PANK2: variants seen among roughly 807,000 people sequenced by gnomAD.
PANK2 encodes the protein pantothenate kinase 2, also known as pantothenate kinase 2, mitochondrial.
In PANK2, 36 loss-of-function variants were observed where a neutral mutation model predicts 43.1. The ratio of observed to expected loss-of-function variants is 0.84; its 90% CI spans 0.64 to 1.10. The LOEUF (loss-of-function observed/expected upper bound fraction) is 1.10, where lower values mean the gene tolerates loss of function less well. Ranked by LOEUF, PANK2 falls within the 50% of genes least tolerant of loss-of-function variation. The pLI is 0.00. For synonymous variants in PANK2, 281 were observed against 238.2 expected (o/e 1.18, Z -1.66); for missense variants, 576 against 593.3 (o/e 0.97, Z 0.30).
chr20:3,917,474 A>G (rs762885669), intron 5 of PANK2: 2 of 534,552 alleles, frequency 3.7e-6, no homozygotes, highest in Admixed American at 3.9e-5. Flanking sequence ...TGGCTCCCCC[A>G]CCTCAGCAGA....
chr20:3,893,505 ATGTGCAGCAGG>A (rs987975621), intron 1 of PANK2, among the ~76,000 whole-genome samples: 6 of 152,210 alleles, frequency 3.9e-5, no homozygotes, highest in African/African-American at 1.4e-4. Flanking sequence ...TGTTGAGCAT[ATGTGCAGCAGG>A]TGTGCAGAAG....
In PANK2 at chr20:3,908,071, T is replaced by C. The variant is rs201083495; in HGVS notation, c.444T>C (p.Tyr148=). The stretch of plus-strand genomic sequence containing the variant: ...AGTACCTGACCTCCAATGTGGCTTA[T>C]GGGTCTACAGGCATTCGGGACGTGC... Residue 148 remains tyrosine (Y), a synonymous_variant, in exon 2 of 7, where the codon TAT becomes TAC. Coordinates refer to ENST00000610179, the MANE Select transcript of PANK2 (RefSeq NM_001386393.1). 2 of 1,614,092 alleles carry C rather than the reference T, an allele frequency of 1.2e-6. No individual in the cohort carries two copies. The highest frequency in any genetic ancestry group is 1.7e-5 in the Admixed American group (1 of 59,986).
At chr20:3,920,518 A>T (rs964568873) in intron 6 of PANK2, among the ~76,000 whole-genome samples, 5 of 151,616 alleles carry the variant, frequency 3.3e-5, no homozygotes, top group Non-Finnish European at 7.4e-5. Context: ...CTCTGTCTCA[A>T]AAACAAAAAC....
rs1395649986 is a variant in PANK2 at position 3,889,646 on chromosome 20, G to A, written c.216G>A (p.Thr72=). Residue 72 remains threonine, a synonymous_variant, in exon 1 of 7, where the codon ACG becomes ACA. Coordinates refer to ENST00000610179, the MANE Select transcript of PANK2 (RefSeq NM_001386393.1). Reference sequence around the variant, plus strand: ...CGGTCGGGGCCTCGGCTGAGGGCACGAGGCGGGATCGACTGGGCTCTTACA... The same window carrying A: ...CGGTCGGGGCCTCGGCTGAGGGCACAAGGCGGGATCGACTGGGCTCTTACA... The A allele has an allele frequency of 6.3e-7, 1 of 1,582,588 alleles. No individual in the cohort carries two copies. The highest frequency in any genetic ancestry group is 2.3e-5 in the East Asian group (1 of 44,146).
chr20:3,924,542 G>C lies in PANK2; in HGVS notation c.*1248G>C, dbSNP rs1167400403. On this transcript the variant is annotated 3_prime_UTR_variant, in exon 7 of 7. Coordinates refer to ENST00000610179, the MANE Select transcript of PANK2 (RefSeq NM_001386393.1). The stretch of plus-strand genomic sequence containing the variant: ...ACTAGGCGTGGCCACCTCTGCACAT[G>C]GGCCTTGGCACTTAGGAAATATGGG... 1 of 152,632 alleles carries C rather than the reference G, an allele frequency of 6.6e-6. No homozygotes were observed. The highest frequency in any genetic ancestry group is 1.5e-5 in the Non-Finnish European group (1 of 68,376). 9.5% of individuals were successfully genotyped at this position (152,632 alleles called of 1,614,324 possible).
chr20:3,890,423 C>T (rs1239660394), intron 1 of PANK2, among the ~76,000 whole-genome samples: 2 of 152,182 alleles, frequency 1.3e-5, no homozygotes, highest in Non-Finnish European at 1.5e-5. Context: ...TGCATACGCT[C>T]CTCCCAGAGA....
intron 6 of PANK2, 141 bp from the exon 7 acceptor site, chr20:3,923,102 TG>T: frequency 1.1e-6 from 1 of 913,798 alleles, no homozygotes; most frequent in Non-Finnish European, 1.8e-6. Context: ...GCTCCCAGGC[TG>T]GCCTTGGCCC....
intron 1 of PANK2, among the ~76,000 whole-genome samples, chr20:3,893,833 G>A (rs968608397): frequency 1.3e-5 from 2 of 151,860 alleles, no homozygotes; most frequent in African/African-American, 2.4e-5. Flanking sequence ...GAATTAGGAC[G>A]GATTGACCCC....
At chr20:3,895,371 A>C (rs1198123285) in intron 1 of PANK2, among the ~76,000 whole-genome samples, 3 of 151,936 alleles carry the variant, frequency 2.0e-5, no homozygotes, top group African/African-American at 7.2e-5. Flanking sequence ...AGGCTGAGAC[A>C]GGAGGATTGC....
At chr20:3,896,775 G>A (rs1381208793) in intron 1 of PANK2, among the ~76,000 whole-genome samples, 1 of 152,142 alleles carries the variant, frequency 6.6e-6, no homozygotes. Context: ...CAGAAGTTCC[G>A]TGTCCCTCCC....
At chr20:3,918,265 T>TGAATTTTTACTAGTG (rs1461734535) in intron 5 of PANK2, among the ~76,000 whole-genome samples, 1 of 152,196 alleles carries the variant, frequency 6.6e-6, no homozygotes, top group Non-Finnish European at 1.5e-5. Context: ...ATTTTACTTT[T>TGAATTTTTACTAGTG]GTTTGATGAC....
At chr20:3,909,102 G>C (rs1383963337) in intron 2 of PANK2, among the ~76,000 whole-genome samples, 1 of 152,074 alleles carries the variant, frequency 6.6e-6, no homozygotes, top group Non-Finnish European at 1.5e-5. Context: ...GTTTTGTTTT[G>C]TTTTCTTGAG....
chr20:3,902,590 T>C (rs2092545693), intron 1 of PANK2, among the ~76,000 whole-genome samples: 1 of 150,666 alleles, frequency 6.6e-6, no homozygotes, highest in Non-Finnish European at 1.5e-5. Context: ...AGTTTTTTTT[T>C]TTTCTTTTAA....
At chr20:3,911,847 G>A (rs2090473322) in intron 3 of PANK2, among the ~76,000 whole-genome samples, 1 of 151,872 alleles carries the variant, frequency 6.6e-6, no homozygotes, top group Non-Finnish European at 1.5e-5. Context: ...CCGAGATCGT[G>A]CCATTGTACT....
At position 3,914,911 on chromosome 20, in the gene PANK2, G is replaced by A. The variant is rs572507941; in HGVS notation, c.1083-2016G>A. 2.0e-4 allele frequency among the ~76,000 whole-genome samples: 30 copies of A among 152,174 alleles called. No individual in the cohort carries two copies. The East Asian group carries it at 2.3e-3, about 12-fold the overall frequency. ...AGGTGTGAGCCACTGTGCCCAGCCC[G>A]AACATCTTTTCATGTGTTTACTGGC... is the stretch of plus-strand genomic sequence containing the variant. On this transcript the variant is annotated intron_variant, in intron 4 of 6. Transcript: ENST00000610179.
intron 1 of PANK2, among the ~76,000 whole-genome samples, chr20:3,903,359 T>C (rs967025261): frequency 1.3e-5 from 2 of 151,686 alleles, no homozygotes; most frequent in Admixed American, 1.3e-4. Flanking sequence ...TGTTGGCTAG[T>C]CTGGTCTTGA....
In PANK2 at chr20:3,916,924, C is replaced by G; in HGVS notation, c.1083-3C>G. On this transcript the variant is annotated splice_region_variant and splice_polypyrimidine_tract_variant and intron_variant, in intron 4 of 6. Transcript: ENST00000610179. ...CAATGGGATTTTTTTTCCCCCATCA[C>G]AGCTTTGGAAACATGATGAGCAAGG... The G allele has an allele frequency of 6.2e-7, 1 of 1,614,024 alleles. No homozygotes were observed. Among genetic ancestry groups the G allele is most frequent in the Non-Finnish European group, 8.5e-7 (1 of 1,179,972 alleles).
chr20:3,893,831 A>G (rs2146818812), intron 1 of PANK2, among the ~76,000 whole-genome samples: 1 of 151,484 alleles, frequency 6.6e-6, no homozygotes, highest in Non-Finnish European at 1.5e-5. Context: ...GGGAATTAGG[A>G]CGGATTGACC....
intron 1 of PANK2, among the ~76,000 whole-genome samples, chr20:3,890,331 G>T (rs892655616): frequency 2.0e-5 from 3 of 152,144 alleles, no homozygotes; most frequent in Non-Finnish European, 4.4e-5. Context: ...AGGTACTCAC[G>T]ATTCAGAACT....
Sources: gnomAD v4.1 joint callset for allele counts (sites outside exome capture counted in the v4.1 genomes callset) on GRCh38, gnomAD v4.1.1 for gene constraint, MANE v1.5 for transcripts, NCBI Gene and HGNC (gene_info 2026-07-23, HGNC 2026-07-21) for gene names.